Variants in LYRM4 observed in about 807,000 individuals in gnomAD.
The protein encoded by LYRM4 is LYR motif containing 4, also known as LYR motif-containing protein 4.
A neutral mutation model predicts 11.7 loss-of-function variants in LYRM4; 9 were observed. The observed-to-expected ratio is 0.77, with a 90% CI of 0.46 to 1.34. LYRM4 has a LOEUF of 1.34. LYRM4 is among the 40% of genes most tolerant of loss of function. The pLI is 0.00. For synonymous variants in LYRM4, 42 were observed against 40.4 expected, an observed-to-expected ratio of 1.04 and a Z score of -0.15; for missense variants, 133 against 112.5, an observed-to-expected ratio of 1.18 and a Z score of -0.82.
intron 2 of LYRM4, among the ~76,000 whole-genome samples, chr6:5,122,220 A>G (rs1216304110): frequency 6.6e-6 from 1 of 152,120 alleles, no homozygotes; most frequent in African/African-American, 2.4e-5. Context: ...TCCGGTGATG[A>G]CTGCCAGCAC....
chr6:5,099,391 C>CTATCTATCTATCTA (rs1762432070), downstream of LYRM4, among the ~76,000 whole-genome samples: 1 of 145,442 alleles, frequency 6.9e-6, no homozygotes, highest in Non-Finnish European at 1.5e-5. The surrounding 1 kb of genome is among the most constrained non-coding windows in gnomAD (Gnocchi z 4.3). Context: ...AAATCTATTT[C>CTATCTATCTATCTA]TCTATCTATC....
chr6:5,190,545 T>A (rs934116192), intron 2 of LYRM4, among the ~76,000 whole-genome samples: 2 of 152,196 alleles, frequency 1.3e-5, no homozygotes, highest in African/African-American at 4.8e-5. Flanking sequence ...ATAACTTGAC[T>A]ATCTCTCATG....
chr6:5,211,772 G>A (rs1762000403), intron 2 of LYRM4, among the ~76,000 whole-genome samples: 1 of 152,126 alleles, frequency 6.6e-6, no homozygotes, highest in Non-Finnish European at 1.5e-5. Context: ...TCTTCTTACT[G>A]CACAATTATG....
intron 2 of LYRM4, among the ~76,000 whole-genome samples, chr6:5,133,280 T>C (rs1764038159): frequency 6.6e-6 from 1 of 152,242 alleles, no homozygotes; most frequent in African/African-American, 2.4e-5. Context: ...TTTTATTTTC[T>C]AAAAAAGGAG....
chr6:5,050,125 G>T, the LYRM4 span, among the ~76,000 whole-genome samples: 1 of 152,258 alleles, frequency 6.6e-6, no homozygotes, highest in Non-Finnish European at 1.5e-5. Context: ...AATTGCACTG[G>T]CAGGATCTCT....
At chr6:5,137,798 C>T (rs1365632659) in intron 2 of LYRM4, among the ~76,000 whole-genome samples, 10 of 152,226 alleles carry the variant, frequency 6.6e-5, no homozygotes, top group Non-Finnish European at 1.2e-4. Flanking sequence ...ACTCAGGTCA[C>T]ACACTGGAGT....
At chr6:5,105,634 GA>G (rs1302836447), downstream of LYRM4, 1 of 152,332 alleles carries the variant, frequency 6.6e-6, no homozygotes, top group Non-Finnish European at 1.5e-5. Flanking sequence ...CCAACATGGC[GA>G]AATCCTGTGT....
intron 2 of LYRM4, among the ~76,000 whole-genome samples, chr6:5,159,502 G>A (rs1758623330): frequency 6.6e-6 from 1 of 152,200 alleles, no homozygotes; most frequent in African/African-American, 2.4e-5. Context: ...ACAACAAAGA[G>A]GCCACTGGTG....
intron 1 of LYRM4, among the ~76,000 whole-genome samples, chr6:5,242,518 G>A (rs996645172): frequency 6.6e-6 from 1 of 151,194 alleles, no homozygotes; most frequent in Non-Finnish European, 1.5e-5. Context: ...TCAGGAGTTC[G>A]AGACCAGCCT....
chr6:5,160,206 T>A (rs1052388428), intron 2 of LYRM4, among the ~76,000 whole-genome samples: 1 of 152,188 alleles, frequency 6.6e-6, no homozygotes, highest in Non-Finnish European at 1.5e-5. Flanking sequence ...CCTGGAGTAG[T>A]AGCAAACTGG....
chr6:5,085,386 C>A, the LYRM4 span: 20 of 861,580 alleles, frequency 2.3e-5, no homozygotes, highest in Non-Finnish European at 3.3e-5. Context: ...GGAGGGCGAG[C>A]CTGAACTGCA....
intron 2 of LYRM4, among the ~76,000 whole-genome samples, chr6:5,169,070 G>A (rs1323321730): frequency 6.6e-6 from 1 of 152,084 alleles, no homozygotes; most frequent in Non-Finnish European, 1.5e-5. Flanking sequence ...AAAGACAAAT[G>A]TGCATTTGGC....
chr6:5,205,350 C>T (rs1047351385), intron 2 of LYRM4, among the ~76,000 whole-genome samples: 9 of 152,020 alleles, frequency 5.9e-5, no homozygotes, highest in East Asian at 3.9e-4. Flanking sequence ...CCCAGCCCTC[C>T]GGCATCCTGC....
At chr6:5,112,200 G>A (rs1408158330) in intron 2 of LYRM4, among the ~76,000 whole-genome samples, 2 of 152,206 alleles carry the variant, frequency 1.3e-5, no homozygotes, top group Non-Finnish European at 2.9e-5. Context: ...TGGGCCATCT[G>A]TGTGGTCTGT....
intron 2 of LYRM4, among the ~76,000 whole-genome samples, chr6:5,169,854 G>A (rs1444305142): frequency 1.3e-5 from 2 of 152,208 alleles, no homozygotes; most frequent in African/African-American, 4.8e-5. Context: ...ACCAGTGTAG[G>A]AGGGAATGCT....
At chr6:5,053,246 A>C in the LYRM4 span, among the ~76,000 whole-genome samples, 1 of 152,134 alleles carries the variant, frequency 6.6e-6, no homozygotes, top group Admixed American at 6.6e-5. Context: ...TAAATCAGGA[A>C]GTTCTTGTTC....
intron 2 of LYRM4, among the ~76,000 whole-genome samples, chr6:5,144,639 A>AG (rs1377685462): frequency 1.3e-5 from 2 of 151,072 alleles, no homozygotes; most frequent in Non-Finnish European, 3.0e-5. Context: ...AAAAAAAAAA[A>AG]AAAAAAAAAA....
chr6:5,147,922 C>T (rs1757821345), intron 2 of LYRM4, among the ~76,000 whole-genome samples: 1 of 152,210 alleles, frequency 6.6e-6, no homozygotes, highest in Non-Finnish European at 1.5e-5. Flanking sequence ...TACTGTCCGA[C>T]TTTCCTTTTG....
At chr6:5,040,258 G>A in the LYRM4 span, among the ~76,000 whole-genome samples, 1 of 151,860 alleles carries the variant, frequency 6.6e-6, no homozygotes, top group South Asian at 2.1e-4. Context: ...GTTGAGGCGA[G>A]CTATGATCAT....
Sources: allele counts gnomAD v4.1 joint callset (sites outside exome capture counted in the v4.1 genomes callset), GRCh38; gene constraint gnomAD v4.1.1; non-coding constraint Gnocchi (gnomAD v3.1); transcripts MANE v1.5; gene names NCBI Gene and HGNC (gene_info 2026-07-23, HGNC 2026-07-21).